The following QRICH2 variants were observed in gnomAD, a reference collection of about 807,000 sequenced individuals.
QRICH2 encodes glutamine-rich protein 2.
A neutral mutation model predicts 168.3 loss-of-function variants in QRICH2; 119 were observed. That is an observed-to-expected ratio of 0.71 (90% confidence interval 0.61 to 0.82). QRICH2 has a LOEUF of 0.82. Ranked by LOEUF, QRICH2 falls within the 40% of genes least tolerant of loss-of-function variation. QRICH2 has a pLI of 0.00. For synonymous variants in QRICH2, 894 were observed against 951.2 expected (o/e 0.94, Z 1.11); for missense variants, 2,241 against 2,491.6 (o/e 0.90, Z 2.14).
intron 7 of QRICH2, 54 bp from the exon 8 acceptor site, chr17:76,282,169 C>T: frequency 1.9e-6 from 3 of 1,546,520 alleles, no homozygotes; most frequent in Non-Finnish European, 2.6e-6. Context: ...CACGGCCACG[C>T]TCTGCCCATG....
chr17:76,279,712 C>T (rs530993976), intron 12 of QRICH2, among the ~76,000 whole-genome samples: 1 of 152,276 alleles, frequency 6.6e-6, no homozygotes, highest in East Asian at 1.9e-4. Context: ...CTACCACGGG[C>T]CAGGTCCTAT....
rs71161276 is a variant in QRICH2, at chr17:76,287,088, A to ACG, written c.4011+103_4011+104insCG. 7 of 331,950 alleles carry ACG rather than the reference A, an allele frequency of 2.1e-5. No homozygotes were observed. In the African/African-American group the frequency reaches 6.9e-4, roughly 33 times the overall value. The allele number at this position is 331,950 out of a possible 1,614,324, so 20.6% of individuals were successfully genotyped here. On this transcript the variant is annotated intron_variant, in intron 7 of 18. Coordinates refer to ENST00000680821, the MANE Select transcript of QRICH2 (RefSeq NM_001388453.1). Reference sequence around the variant, plus strand: ...CACACACACACACACACACACACACATGATGGGAGGGACCTAGTTTTTGAT... The same window carrying ACG: ...CACACACACACACACACACACACACACGTGATGGGAGGGACCTAGTTTTTGAT...
In QRICH2 at chr17:76,280,721, T is replaced by C. The variant is rs2070772100; in HGVS notation, c.4394A>G (p.Tyr1465Cys). 1 of 1,614,058 alleles carries C rather than the reference T, an allele frequency of 6.2e-7. No homozygotes were observed. The highest frequency in any genetic ancestry group is 8.5e-7 in the Non-Finnish European group (1 of 1,180,010). The change falls in exon 10 of 19, where the codon TAC (tyrosine) becomes TGC (cysteine). Residue 1465 changes from tyrosine to cysteine, a missense_variant. Transcript: ENST00000680821. The surrounding 1 kb of genome is among the most constrained non-coding windows in gnomAD (Gnocchi z 7.4). The stretch of plus-strand genomic sequence containing the variant: ...CTTTTCGAGCTTCTCCAGACCCTGG[T>C]ACAGCATCTGGGGAGGCCAAGTGAA... ...RQKQKDIAML[Y>C]QGLEKLEKEK...
rs58116628 is a variant in QRICH2 at position 76,307,058 on chromosome 17, G to A, written c.534+407C>T. ...ATTTTAAAAAGGGAATTCACTCTAAGAATCTTCTGAGAAGTTGCCGGCCCC... is the reference window on the plus strand; with the variant it reads ...ATTTTAAAAAGGGAATTCACTCTAAAAATCTTCTGAGAAGTTGCCGGCCCC... On this transcript the variant is annotated intron_variant, in intron 1 of 18. Coordinates refer to ENST00000680821, the MANE Select transcript of QRICH2 (RefSeq NM_001388453.1). The surrounding 1 kb of genome is among the most constrained non-coding windows in gnomAD (Gnocchi z 5.3). Among the ~76,000 whole-genome samples, 4,654 of 152,166 alleles carry A rather than the reference G, an allele frequency of 0.031. 232 individuals carry two copies. The highest frequency in any genetic ancestry group is 0.1 in the African/African-American group (4,351 of 41,486).
At chr17:76,289,951 C>CAAA (rs370221376) in intron 5 of QRICH2, 41 bp downstream of exon 5, 48 of 1,163,456 alleles carry the variant, frequency 4.1e-5, no homozygotes, top group East Asian at 1.2e-4. Flanking sequence ...AACTCCATCT[C>CAAA]AAAAAAAAAA....
chr17:76,290,292 A>C (rs2070964413), intron 4 of QRICH2, among the ~76,000 whole-genome samples: 1 of 152,152 alleles, frequency 6.6e-6, no homozygotes, highest in African/African-American at 2.4e-5. Flanking sequence ...CTGACATCCT[A>C]AAGGGCTTTG....
At position 76,292,860 on chromosome 17, in the gene QRICH2, GCCAGACCAAACCACGC is replaced by G; in HGVS notation, c.1851_1866del (p.Gln617HisfsTer19). 4 of 1,602,582 alleles carry G rather than the reference GCCAGACCAAACCACGC, an allele frequency of 2.5e-6. No homozygotes were observed. In the African/African-American group the frequency reaches 4.6e-5, roughly 18 times the overall value. On this transcript the variant is annotated frameshift_variant, in exon 4 of 19. Coordinates refer to ENST00000680821, the MANE Select transcript of QRICH2 (RefSeq NM_001388453.1). LOFTEE classifies it high-confidence loss of function. ...GCCAAACCAGACTGATCCATTCCAG[GCCAGACCAAACCACGC>G]TGATCTGCACCAGGTTGGGCCAAAC...
In QRICH2 at chr17:76,282,281, C is replaced by T. The variant is rs193226039; in HGVS notation, c.4012-166G>A. ...GCATGTGCCATCATGGGCATCTATC[C>T]AGTAAACGGTGAGTAGAGAGAGTTC... On this transcript the variant is annotated intron_variant, in intron 7 of 18. Transcript: ENST00000680821. Among the ~76,000 whole-genome samples the T allele has an allele frequency of 3.2e-3, 486 of 152,328 alleles. 3 individuals carry two copies. The highest frequency in any genetic ancestry group is 0.011 in the African/African-American group (451 of 41,580).
intron 5 of QRICH2, among the ~76,000 whole-genome samples, chr17:76,289,588 GA>G (rs1346394072): frequency 2.0e-5 from 3 of 151,918 alleles, no homozygotes; most frequent in Non-Finnish European, 2.9e-5. Context: ...TAATGTAAAA[GA>G]AAGAGCTATT....
chr17:76,291,178 C>T lies in QRICH2; in HGVS notation c.3549G>A (p.Leu1183=), dbSNP rs1443638892. ...SEVLSERRNS[L]RRMSSSFPTA... is the part of the protein sequence containing the mutation. ...TGGGGAAACTAGAACTCATTCTACG[C>T]AGTGAATTGCGTCGCTCACTCAGGA... The change falls in exon 4 of 19, where the codon CTG becomes CTA. Residue 1183 remains leucine, a synonymous_variant. Coordinates refer to ENST00000680821, the MANE Select transcript of QRICH2 (RefSeq NM_001388453.1). The T allele has an allele frequency of 1.2e-6, 2 of 1,614,222 alleles. No homozygotes were observed. Among genetic ancestry groups the T allele is most frequent in the Admixed American group, 1.7e-5 (1 of 60,028 alleles).
chr17:76,305,861 T>TAA (rs1192198906), intron 1 of QRICH2, among the ~76,000 whole-genome samples: 1 of 152,050 alleles, frequency 6.6e-6, no homozygotes, highest in Non-Finnish European at 1.5e-5. Flanking sequence ...TTCTAGAATC[T>TAA]AAGATTACGT....
chr17:76,300,334 T>C (rs2070878026), intron 3 of QRICH2, among the ~76,000 whole-genome samples: 1 of 152,036 alleles, frequency 6.6e-6, no homozygotes, highest in Non-Finnish European at 1.5e-5. Context: ...TAAAGATAAA[T>C]ATAAATATTA....
intron 1 of QRICH2, among the ~76,000 whole-genome samples, chr17:76,305,289 G>A (rs1878681227): frequency 6.6e-6 from 1 of 151,344 alleles, no homozygotes; most frequent in South Asian, 2.1e-4. Flanking sequence ...TCAGCCTCCT[G>A]AGTAGCTGGG....
Position 76,307,873 on chromosome 17 carries a change from G to A in QRICH2, c.126C>T (p.Asp42=), listed in dbSNP as rs2071015757. The change falls in exon 1 of 19, where the codon GAC becomes GAT. Residue 42 remains aspartate, a synonymous_variant. Transcript: ENST00000680821. This position sits in a 1 kb window ranked among gnomAD's most constrained non-coding sequence, Gnocchi z 5.3. The part of the protein sequence containing the change: ...TLIVAMLKNL[D]LQNTRIDFQP... The stretch of plus-strand genomic sequence containing the variant: ...GGAAGTCGATCCGGGTATTTTGGAG[G>A]TCGAGGTTCTTGAGCATGGCCACGA... 1.0e-5 allele frequency: 13 copies of A among 1,274,782 alleles called. No individual in the cohort carries two copies. The highest frequency in any genetic ancestry group is 1.2e-5 in the Non-Finnish European group (12 of 1,012,752). The allele number at this position is 1,274,782 out of a possible 1,614,324, so 79.0% of individuals were successfully genotyped here.
intron 3 of QRICH2, among the ~76,000 whole-genome samples, chr17:76,302,655 C>G (rs970443804): frequency 3.3e-5 from 5 of 152,148 alleles, no homozygotes; most frequent in African/African-American, 4.8e-5. Context: ...GATTCTCCCC[C>G]CAGAGCTGCC....
At position 76,279,112 on chromosome 17, in the gene QRICH2, G is replaced by A. The variant is rs1443249642; in HGVS notation, c.4845C>T (p.Gly1615=). ...GGCGGATGGAATGGTGCCCAGGTAGGCCTGGACCCGCGGGGGTCACGGGGA... is the reference window on the plus strand; with the variant it reads ...GGCGGATGGAATGGTGCCCAGGTAGACCTGGACCCGCGGGGGTCACGGGGA... ...HAIPVTPAGP[G]LPGHHSIRPY... The change falls in exon 14 of 19, where the codon GGC becomes GGT. Residue 1615 remains glycine, a synonymous_variant. Coordinates refer to ENST00000680821, the MANE Select transcript of QRICH2 (RefSeq NM_001388453.1). The A allele has an allele frequency of 6.2e-7, 1 of 1,613,636 alleles. No homozygotes were observed. The highest frequency in any genetic ancestry group is 8.5e-7 in the Non-Finnish European group (1 of 1,179,934).
At chr17:76,276,656 T>TG (rs1568102618) in intron 17 of QRICH2, 24 bp downstream of exon 17, 1 of 1,598,074 alleles carries the variant, frequency 6.3e-7, no homozygotes, top group Admixed American at 1.7e-5. Flanking sequence ...GTGAGGTGCC[T>TG]GGGGGCCTCT....
At position 76,274,087 on chromosome 17, in the gene QRICH2, C is replaced by T. The variant is rs780588652; in HGVS notation, c.5656G>A (p.Ala1886Thr). 14 of 1,556,480 alleles carry T rather than the reference C, an allele frequency of 9.0e-6. No individual in the cohort carries two copies. The Admixed American group carries it at 1.0e-4, about 11-fold the overall frequency. ...EPTRGPRSST[A>T]Q Reference sequence around the variant, plus strand: ...TTTATTTACACCTCCGCTCACTGAGCGGTGCTGGACCGCGGCCCCCGCGTG... The same window carrying T: ...TTTATTTACACCTCCGCTCACTGAGTGGTGCTGGACCGCGGCCCCCGCGTG... Residue 1886 changes from alanine (A) to threonine (T), a missense_variant, in exon 19 of 19, where the codon GCT becomes ACT. Coordinates refer to ENST00000680821, the MANE Select transcript of QRICH2 (RefSeq NM_001388453.1).
chr17:76,277,749 TACACACACGCACTCATAC>T (rs930748790), intron 15 of QRICH2, among the ~76,000 whole-genome samples: 1 of 151,108 alleles, frequency 6.6e-6, no homozygotes, highest in African/African-American at 2.4e-5. Flanking sequence ...CCCACACTCA[TACACACACGCACTCATAC>T]ACACACACCC....
Sources: allele counts gnomAD v4.1 joint callset (sites outside exome capture counted in the v4.1 genomes callset), GRCh38; gene constraint gnomAD v4.1.1; non-coding constraint Gnocchi (gnomAD v3.1); transcripts MANE v1.5; gene names NCBI Gene and HGNC (gene_info 2026-07-23, HGNC 2026-07-21).